Variants in PLPBP observed in about 807,000 individuals in gnomAD.
PLPBP encodes the protein pyridoxal phosphate binding protein.
In PLPBP, 21 loss-of-function variants were observed where a neutral mutation model predicts 31.2. The observed-to-expected ratio is 0.67, with a 90% CI of 0.48 to 0.97. The LOEUF is 0.97. Among genes scored for constraint, PLPBP ranks in the 50% least tolerant of loss-of-function variants. The pLI is 0.00. For missense variants in PLPBP, 308 were observed against 354.4 expected (o/e 0.87, Z 1.05); for synonymous variants, 124 against 135.6 (o/e 0.91, Z 0.59).
intron 5 of PLPBP, among the ~76,000 whole-genome samples, chr8:37,773,493 A>G (rs1803828063): frequency 8.9e-6 from 1 of 112,614 alleles, no homozygotes; most frequent in African/African-American, 3.5e-5. Context: ...TTTTTGAGAC[A>G]GAGCCTCACT....
At chr8:37,769,059 G>A (rs552408936) in intron 4 of PLPBP, among the ~76,000 whole-genome samples, 120 of 152,210 alleles carry the variant, frequency 7.9e-4, no homozygotes, top group African/African-American at 2.6e-3. Flanking sequence ...ACTAGGCCAG[G>A]CACAGTGGCT....
Position 37,766,327 on chromosome 8 carries a change from A to G in PLPBP, c.291A>G (p.Leu97=), listed in dbSNP as rs147621253. The G allele has an allele frequency of 2.5e-6, 4 of 1,609,748 alleles. No homozygotes were observed. Among genetic ancestry groups the G allele is most frequent in the South Asian group, 1.1e-5 (1 of 90,318 alleles). ...TCAAATGGCACTTCATTGGCCACCTACAGAAACAAAATGTCAACAAATTGA... is the reference window on the plus strand; with the variant it reads ...TCAAATGGCACTTCATTGGCCACCTGCAGAAACAAAATGTCAACAAATTGA... ...PEIKWHFIGH[L]QKQNVNKLMA... The change falls in exon 4 of 8, where the codon CTA becomes CTG. Residue 97 remains leucine, a synonymous_variant. Transcript: ENST00000328195.
intron 4 of PLPBP, among the ~76,000 whole-genome samples, chr8:37,771,924 C>T (rs1469262529): frequency 1.3e-5 from 2 of 152,188 alleles, no homozygotes; most frequent in Non-Finnish European, 2.9e-5. Flanking sequence ...TGTGCCACTG[C>T]ACTCTAGCCT....
intron 5 of PLPBP, chr8:37,774,860 T>A (rs1376010980): frequency 1.3e-5 from 2 of 154,330 alleles, no homozygotes; most frequent in East Asian, 3.8e-4. Flanking sequence ...AGATTTCTCT[T>A]CCAGTTGTTA....
chr8:37,778,254 G>A lies in PLPBP; in HGVS notation c.*150G>A. On this transcript the variant is annotated 3_prime_UTR_variant, in exon 8 of 8. Transcript: ENST00000328195. ...TGGAAACCATCTGTGCTTAGTCTCT[G>A]ACATAGGAAGCTTGCTTCAGGCAAT... is the stretch of plus-strand genomic sequence containing the variant. 1 of 967,614 alleles carries A rather than the reference G, an allele frequency of 1.0e-6. No homozygotes were observed. Among genetic ancestry groups the A allele is most frequent in the Non-Finnish European group, 1.4e-6 (1 of 692,046 alleles). 59.9% of individuals were successfully genotyped at this position (967,614 alleles called of 1,614,324 possible).
intron 6 of PLPBP, 102 bp downstream of exon 6, chr8:37,775,583 A>C: frequency 6.6e-7 from 1 of 1,506,324 alleles, no homozygotes; most frequent in Non-Finnish European, 9.1e-7. Context: ...CATCCCAGAC[A>C]CTGCCTGTTG....
chr8:37,776,155 C>A, intron 7 of PLPBP, 139 bp downstream of exon 7: 2 of 741,050 alleles, frequency 2.7e-6, no homozygotes, highest in East Asian at 2.7e-5. Flanking sequence ...GTCAGCTATT[C>A]CAGCATCTCC....
chr8:37,767,046 CAAAA>C (rs377103424), intron 4 of PLPBP, among the ~76,000 whole-genome samples: 1 of 57,162 alleles, frequency 1.7e-5, no homozygotes, highest in Non-Finnish European at 3.1e-5. Flanking sequence ...GACTTCATCC[CAAAA>C]AAAAAAAAAA....
chr8:37,770,527 A>G (rs901828433), intron 4 of PLPBP, among the ~76,000 whole-genome samples: 2 of 152,216 alleles, frequency 1.3e-5, no homozygotes, highest in African/African-American at 4.8e-5. Context: ...GAAACTACTA[A>G]AAGAAAACAT....
chr8:37,777,205 C>T (rs1803935780), intron 7 of PLPBP, among the ~76,000 whole-genome samples: 1 of 152,136 alleles, frequency 6.6e-6, no homozygotes, highest in Non-Finnish European at 1.5e-5. Flanking sequence ...GATAAAGTTT[C>T]AAAAATCAAA....
intron 5 of PLPBP, 42 bp from the exon 6 acceptor site, chr8:37,775,297 T>G (rs2129809141): frequency 6.2e-7 from 1 of 1,611,988 alleles, no homozygotes; most frequent in Non-Finnish European, 8.5e-7. Context: ...CTCTGGCCAT[T>G]TACCCTTGCA....
At chr8:37,768,496 G>A (rs1471310591) in intron 4 of PLPBP, among the ~76,000 whole-genome samples, 27 of 124,720 alleles carry the variant, frequency 2.2e-4, no homozygotes, top group African/African-American at 5.7e-4. Flanking sequence ...TTTTTGAGAC[G>A]GATTCTCACT....
At chr8:37,763,312 C>T (rs1353828480) in intron 1 of PLPBP, among the ~76,000 whole-genome samples, 3 of 152,138 alleles carry the variant, frequency 2.0e-5, no homozygotes, top group Non-Finnish European at 4.4e-5. Flanking sequence ...GGGGAGCTTT[C>T]GTCTTTTGTG....
chr8:37,764,940 G>C (rs1423998561), intron 1 of PLPBP, among the ~76,000 whole-genome samples: 2 of 152,240 alleles, frequency 1.3e-5, no homozygotes, highest in Non-Finnish European at 2.9e-5. Flanking sequence ...GGAGGCCGAA[G>C]TGGGCAGATC....
At position 37,765,506 on chromosome 8, in the gene PLPBP, G is replaced by A. The variant is rs1803600333; in HGVS notation, c.100-20G>A. On this transcript the variant is annotated intron_variant, in intron 1 of 7. Transcript: ENST00000328195. Reference sequence around the variant, plus strand: ...ACTGTTCCCAAACATTCACTCATATGGCTCTTTCCCTCTTGGCAGGATCTC... The same window carrying A: ...ACTGTTCCCAAACATTCACTCATATAGCTCTTTCCCTCTTGGCAGGATCTC... 2 of 1,607,196 alleles carry A rather than the reference G, an allele frequency of 1.2e-6. No homozygotes were observed.
rs552206829 is a variant in PLPBP at position 37,774,698 on chromosome 8, G to A, written c.455-641G>A. ...AATAGAAATCTGAAATCAACTATAGGTCAAGTCTTTATTGTATCATTTCTT... is the reference window on the plus strand; with the variant it reads ...AATAGAAATCTGAAATCAACTATAGATCAAGTCTTTATTGTATCATTTCTT... On this transcript the variant is annotated intron_variant, in intron 5 of 7. Coordinates refer to ENST00000328195, the MANE Select transcript of PLPBP (RefSeq NM_007198.4). Among the ~76,000 whole-genome samples the A allele has an allele frequency of 8.5e-5, 13 of 152,240 alleles. No homozygotes were observed. In the East Asian group the frequency reaches 2.1e-3, roughly 25 times the overall value.
At chr8:37,772,586 A>G (rs908607971) in intron 4 of PLPBP, among the ~76,000 whole-genome samples, 169 bp from the exon 5 acceptor site, 1 of 152,198 alleles carries the variant, frequency 6.6e-6, no homozygotes, top group African/African-American at 2.4e-5. Flanking sequence ...TGACATTTGA[A>G]TTTGTATCTA....
chr8:37,777,957 CT>C lies in PLPBP; in HGVS notation c.697-15del. 1 of 1,606,578 alleles carries C rather than the reference CT, an allele frequency of 6.2e-7. No individual in the cohort carries two copies. Among genetic ancestry groups the C allele is most frequent in the South Asian group, 1.1e-5 (1 of 90,792 alleles). ...TTTTAAACCTGGTCCTCGATACCTT[CT>C]CTTTTTTCCCACAGGTTGAAGTAGG... is the stretch of plus-strand genomic sequence containing the variant. On this transcript the variant is annotated splice_polypyrimidine_tract_variant and intron_variant, in intron 7 of 7. Coordinates refer to ENST00000328195, the MANE Select transcript of PLPBP (RefSeq NM_007198.4).
upstream of PLPBP, chr8:37,762,632 C>T (rs552345287): frequency 5.0e-5 from 78 of 1,552,914 alleles, 1 homozygote; most frequent in South Asian, 9.2e-4. Context: ...CTGCCGGGGG[C>T]CTGGGGCTCG....
Sources: allele counts gnomAD v4.1 joint callset (sites outside exome capture counted in the v4.1 genomes callset), GRCh38; gene constraint gnomAD v4.1.1; transcripts MANE v1.5; gene names NCBI Gene and HGNC (gene_info 2026-07-23, HGNC 2026-07-21).